The following KCNA2 variants were observed in gnomAD, a reference collection of about 807,000 sequenced individuals.
KCNA2 encodes potassium channel, voltage gated shaker related subfamily A, member 2.
Under a neutral mutation model 33.4 loss-of-function variants are expected in KCNA2, and 11 were observed. The ratio of observed to expected loss-of-function variants is 0.33; its 90% CI spans 0.21 to 0.55. The LOEUF is 0.55. Among genes scored for constraint, KCNA2 ranks in the 20% least tolerant of loss-of-function variants. The probability of loss-of-function intolerance (pLI) is 0.93; values close to 1 mark genes in which losing one functional copy is unlikely to be tolerated. For synonymous variants in KCNA2, 222 were observed against 231.3 expected, an observed-to-expected ratio of 0.96 and a Z score of 0.37; for missense variants, 291 against 621.6, an observed-to-expected ratio of 0.47 and a Z score of 5.66.
chr1:110,597,787 A>T lies in KCNA2; in HGVS notation c.*5496T>A. On this transcript the variant is annotated 3_prime_UTR_variant, in exon 3 of 3. Coordinates refer to ENST00000316361, the MANE Select transcript of KCNA2 (RefSeq NM_004974.4). ...AGAGCTATTGCTAAAGAAAACAGTC[A>T]CTATTTATTTTATTGCACTTTTCCT... 1 of 985,266 alleles carries T rather than the reference A, an allele frequency of 1.0e-6. No individual in the cohort carries two copies. Among genetic ancestry groups the T allele is most frequent in the Non-Finnish European group, 1.2e-6 (1 of 829,764 alleles). 61.0% of individuals were successfully genotyped at this position (985,266 alleles called of 1,614,324 possible). A position where few individuals can be genotyped will look rare whatever the true frequency, so the allele number is the denominator to read the frequency against.
At chr1:110,609,071 C>T (rs943837765), upstream of KCNA2, among the ~76,000 whole-genome samples, 2 of 152,110 alleles carry the variant, frequency 1.3e-5, no homozygotes, top group African/African-American at 4.8e-5. Flanking sequence ...ATTCCCACCC[C>T]TCTACCAAAT....
Position 110,615,739 on chromosome 1 carries a change from G to A in KCNA2, c.-495-10017C>T, listed in dbSNP as rs1011229109. Among the ~76,000 whole-genome samples the A allele has an allele frequency of 3.9e-5, 6 of 152,224 alleles. No homozygotes were observed. The East Asian group carries it at 9.6e-4, about 24-fold the overall frequency. Reference sequence around the variant, plus strand: ...GCATTCCTGGTGTTGCAGAACCAACGTGTATCTAGAAGAGTACAGGGAAGA... The same window carrying A: ...GCATTCCTGGTGTTGCAGAACCAACATGTATCTAGAAGAGTACAGGGAAGA... On this transcript the variant is annotated intron_variant, in intron 1 of 4. Coordinates refer to the KCNA2 transcript ENST00000369770.
chr1:110,630,104 C>T (rs1214840713), intron 1 of KCNA2, among the ~76,000 whole-genome samples: 5 of 147,462 alleles, frequency 3.4e-5, no homozygotes, highest in African/African-American at 1.0e-4. Flanking sequence ...CAACCTCTGT[C>T]TCCTGGGTTC....
rs1422407927 is a variant in KCNA2 at position 110,600,453 on chromosome 1, T to C, written c.*2830A>G. 12 of 985,156 alleles carry C rather than the reference T, an allele frequency of 1.2e-5. No homozygotes were observed. The highest frequency in any genetic ancestry group is 1.4e-5 in the Non-Finnish European group (12 of 829,888). 61.0% of individuals were successfully genotyped at this position (985,156 alleles called of 1,614,324 possible). ...TTTTGTGTATGTTCTGTGTAAATTC[T>C]ATATCTGTGCAGAGTGTGCATTTTA... On this transcript the variant is annotated 3_prime_UTR_variant, in exon 3 of 3. Coordinates refer to ENST00000316361, the MANE Select transcript of KCNA2 (RefSeq NM_004974.4).
chr1:110,626,143 T>C (rs1336657758), intron 1 of KCNA2, among the ~76,000 whole-genome samples: 2 of 152,292 alleles, frequency 1.3e-5, no homozygotes, highest in African/African-American at 2.4e-5. Flanking sequence ...AAATGACATA[T>C]ACACAAGGTC....
intron 1 of KCNA2, among the ~76,000 whole-genome samples, chr1:110,618,744 C>T (rs774087523): frequency 6.6e-6 from 1 of 152,106 alleles, no homozygotes; most frequent in Non-Finnish European, 1.5e-5. Context: ...AGTAGCACCA[C>T]TCCTCCCTCA....
chr1:110,613,913 G>A (rs985689990), intron 1 of KCNA2, among the ~76,000 whole-genome samples: 2 of 152,184 alleles, frequency 1.3e-5, no homozygotes, highest in African/African-American at 4.8e-5. Flanking sequence ...TAGTCACTCT[G>A]TGCTTTAAGC....
chr1:110,606,512 C>G (rs899135176), upstream of KCNA2: 6 of 152,254 alleles, frequency 3.9e-5, no homozygotes, highest in South Asian at 2.1e-4. Context: ...CCCCGGGCTC[C>G]GGCCGGGATT....
At position 110,598,390 on chromosome 1, in the gene KCNA2, C is replaced by T. The variant is rs1469333533; in HGVS notation, c.*4893G>A. 2.7e-5 allele frequency: 27 copies of T among 985,342 alleles called. No individual in the cohort carries two copies. The highest frequency in any genetic ancestry group is 3.1e-5 in the Non-Finnish European group (26 of 829,908). The allele number at this position is 985,342 out of a possible 1,614,324, so 61.0% of individuals were successfully genotyped here. Reference sequence around the variant, plus strand: ...AATTTGCACACTGTTCTATAGTTTCCTTAGGGGGGAGTCAGCCTCTGTGAC... The same window carrying T: ...AATTTGCACACTGTTCTATAGTTTCTTTAGGGGGGAGTCAGCCTCTGTGAC... On this transcript the variant is annotated 3_prime_UTR_variant, in exon 3 of 3. Transcript: ENST00000316361.
In KCNA2 at chr1:110,597,805, CT is replaced by C. The variant is rs907859735; in HGVS notation, c.*5477del. 2.0e-5 allele frequency: 20 copies of C among 985,134 alleles called. No individual in the cohort carries two copies. The highest frequency in any genetic ancestry group is 1.9e-5 in the Non-Finnish European group (16 of 829,788). 61.0% of individuals were successfully genotyped at this position (985,134 alleles called of 1,614,324 possible). On this transcript the variant is annotated 3_prime_UTR_variant, in exon 3 of 3. Transcript: ENST00000316361. ...AACAGTCACTATTTATTTTATTGCACTTTTCCTCTTTAAAAATATTCAAACA... is the reference window on the plus strand; with the variant it reads ...AACAGTCACTATTTATTTTATTGCACTTTCCTCTTTAAAAATATTCAAACA...
At chr1:110,615,160 A>G (rs1446680941) in intron 1 of KCNA2, among the ~76,000 whole-genome samples, 2 of 152,178 alleles carry the variant, frequency 1.3e-5, no homozygotes, top group Non-Finnish European at 2.9e-5. Context: ...GCCCTACTGG[A>G]AGTTTCATGG....
intron 1 of KCNA2, among the ~76,000 whole-genome samples, chr1:110,629,494 T>C (rs1650490175): frequency 6.6e-6 from 1 of 152,254 alleles, no homozygotes; most frequent in African/African-American, 2.4e-5. Context: ...CAGATGCTGT[T>C]AACGTTTGTA....
intron 1 of KCNA2, among the ~76,000 whole-genome samples, chr1:110,616,274 G>A (rs945662276): frequency 5.3e-5 from 8 of 152,158 alleles, no homozygotes; most frequent in African/African-American, 9.7e-5. Context: ...ATGATGAGGG[G>A]CTGGCAATGC....
At chr1:110,628,321 G>T (rs1378584122) in intron 1 of KCNA2, among the ~76,000 whole-genome samples, 2 of 152,174 alleles carry the variant, frequency 1.3e-5, no homozygotes, top group Non-Finnish European at 2.9e-5. Flanking sequence ...GTGCAGCAAA[G>T]TGGGTGGGGA....
At chr1:110,616,079 T>C (rs1364496081) in intron 1 of KCNA2, among the ~76,000 whole-genome samples, 1 of 152,138 alleles carries the variant, frequency 6.6e-6, no homozygotes, top group East Asian at 1.9e-4. Flanking sequence ...TCTCCAGGGG[T>C]CTTTGGACCT....
At chr1:110,610,730 C>T (rs1649834741), upstream of KCNA2, among the ~76,000 whole-genome samples, 3 of 152,138 alleles carry the variant, frequency 2.0e-5, no homozygotes, top group African/African-American at 4.8e-5. Context: ...CCCCAGGGGT[C>T]GTCTCTCCTG....
intron 1 of KCNA2, among the ~76,000 whole-genome samples, chr1:110,622,469 A>G (rs1224685573): frequency 6.6e-6 from 1 of 152,130 alleles, no homozygotes; most frequent in African/African-American, 2.4e-5. Flanking sequence ...TCTATTTAAG[A>G]TTCTATTGGA....
intron 1 of KCNA2, among the ~76,000 whole-genome samples, chr1:110,625,999 G>T (rs1401816216): frequency 3.3e-5 from 5 of 152,120 alleles, no homozygotes; most frequent in Non-Finnish European, 7.4e-5. Flanking sequence ...ATATATTGTT[G>T]GTGGGAGTGT....
rs1272139194 is a variant in KCNA2 at position 110,599,480 on chromosome 1, G to C, written c.*3803C>G. 31 of 985,420 alleles carry C rather than the reference G, an allele frequency of 3.1e-5. No individual in the cohort carries two copies. The highest frequency in any genetic ancestry group is 3.3e-5 in the Non-Finnish European group (27 of 829,932). The allele number at this position is 985,420 out of a possible 1,614,324, so 61.0% of individuals were successfully genotyped here. On this transcript the variant is annotated 3_prime_UTR_variant, in exon 3 of 3. Transcript: ENST00000316361. Reference sequence around the variant, plus strand: ...GGGAGCCCAACAAGAGGAAAAGGAAGAGCGTGCCCGGGATTGAACACACCC... The same window carrying C: ...GGGAGCCCAACAAGAGGAAAAGGAACAGCGTGCCCGGGATTGAACACACCC...
Sources: gnomAD v4.1 joint callset for allele counts (sites outside exome capture counted in the v4.1 genomes callset) on GRCh38, gnomAD v4.1.1 for gene constraint, MANE v1.5 for transcripts, NCBI Gene and HGNC (gene_info 2026-07-23, HGNC 2026-07-21) for gene names.